Variants in RBM19 observed in about 807,000 individuals in gnomAD.
RBM19 encodes the protein RNA binding motif protein 19, also known as probable RNA-binding protein 19.
Under a neutral mutation model 116.8 loss-of-function variants are expected in RBM19, and 94 were observed. The observed-to-expected ratio is 0.80, with a 90% CI of 0.68 to 0.95. The LOEUF (loss-of-function observed/expected upper bound fraction) is 0.95. Ranked by LOEUF, RBM19 falls within the 40% of genes least tolerant of loss-of-function variation. The pLI, the probability that RBM19 is intolerant of heterozygous loss-of-function variation, is 0.00. For synonymous variants in RBM19, 475 were observed against 494.1 expected (o/e 0.96, Z 0.51); for missense variants, 1,161 against 1,220.7 (o/e 0.95, Z 0.73).
chr12:113,955,981 G>A (rs1384304357), intron 6 of RBM19, among the ~76,000 whole-genome samples: 4 of 152,132 alleles, frequency 2.6e-5, no homozygotes, highest in South Asian at 4.1e-4. Context: ...ACTTAGGCAC[G>A]GGGTCAGAAA....
chr12:113,951,589 A>C (rs1289397413), intron 8 of RBM19, among the ~76,000 whole-genome samples: 1 of 148,790 alleles, frequency 6.7e-6, no homozygotes, highest in East Asian at 2.0e-4. Context: ...TCCCTTGTCC[A>C]AGGTCATAGG....
At chr12:113,840,492 C>T (rs944014170) in intron 23 of RBM19, among the ~76,000 whole-genome samples, 3 of 152,242 alleles carry the variant, frequency 2.0e-5, no homozygotes, top group African/African-American at 7.2e-5. Context: ...GGTTACCATA[C>T]ACACTGGACA....
intron 21 of RBM19, among the ~76,000 whole-genome samples, chr12:113,872,236 G>T (rs1300011079): frequency 2.0e-5 from 3 of 146,456 alleles, no homozygotes; most frequent in Non-Finnish European, 4.6e-5. Flanking sequence ...GGGAGGTGAG[G>T]AGCGTCTCTG....
intron 16 of RBM19, chr12:113,936,740 C>T (rs1355104859): frequency 3.0e-6 from 1 of 329,484 alleles, no homozygotes; most frequent in Non-Finnish European, 5.5e-6. Flanking sequence ...TTTATACTTG[C>T]TCTGCTTTGA....
intron 21 of RBM19, among the ~76,000 whole-genome samples, chr12:113,905,299 TCA>T (rs1034111657): frequency 3.4e-4 from 52 of 152,208 alleles, no homozygotes; most frequent in African/African-American, 1.2e-3. Flanking sequence ...AAGCAGACCC[TCA>T]CACACAGTCA....
intron 2 of RBM19, 119 bp from the exon 3 acceptor site, chr12:113,960,297 T>C (rs1872381691): frequency 1.5e-6 from 2 of 1,358,718 alleles, no homozygotes; most frequent in African/African-American, 1.5e-5. Flanking sequence ...CTGAGTTTGC[T>C]GAAGTAGATT....
intron 21 of RBM19, among the ~76,000 whole-genome samples, chr12:113,913,059 T>C (rs982521359): frequency 6.6e-6 from 1 of 152,162 alleles, no homozygotes; most frequent in Non-Finnish European, 1.5e-5. Context: ...TGGACACTAA[T>C]TCCCTGTCTT....
At chr12:113,844,968 T>G (rs763671487) in intron 22 of RBM19, among the ~76,000 whole-genome samples, 180 bp from the exon 23 acceptor site, 2 of 152,194 alleles carry the variant, frequency 1.3e-5, no homozygotes, top group Non-Finnish European at 2.9e-5. Context: ...ATTAGTGGGT[T>G]GCATTCCCAG....
intron 16 of RBM19, among the ~76,000 whole-genome samples, chr12:113,927,605 C>CA (rs1270842296): frequency 0.1 from 9,447 of 91,056 alleles, 972 homozygotes; most frequent in African/African-American, 0.29. Context: ...AAAAAAAAAA[C>CA]AAAAAAAAAA....
chr12:113,900,029 G>A (rs960879219), intron 21 of RBM19, among the ~76,000 whole-genome samples: 4 of 152,088 alleles, frequency 2.6e-5, no homozygotes, highest in African/African-American at 9.7e-5. Flanking sequence ...CCCTTCCCCC[G>A]GTACAGGCAC....
At chr12:113,917,111 C>G (rs140497045) in intron 20 of RBM19, among the ~76,000 whole-genome samples, 2 of 152,220 alleles carry the variant, frequency 1.3e-5, no homozygotes, top group African/African-American at 4.8e-5. Flanking sequence ...CAAGGAAACA[C>G]TATCCCCCAT....
At chr12:113,861,738 T>C (rs541510399) in intron 21 of RBM19, among the ~76,000 whole-genome samples, 3 of 152,118 alleles carry the variant, frequency 2.0e-5, no homozygotes, top group Admixed American at 2.0e-4. Context: ...ACAGAAGACA[T>C]GCTTTTGTGG....
At chr12:113,894,976 C>G (rs986499463) in intron 21 of RBM19, among the ~76,000 whole-genome samples, 1 of 152,196 alleles carries the variant, frequency 6.6e-6, no homozygotes. Context: ...CAAGGCCCAT[C>G]GCAGGGGACG....
rs772438705 is a variant in RBM19, at chr12:113,952,522, C to T, written c.990G>A (p.Gly330=). The T allele has an allele frequency of 1.9e-6, 3 of 1,613,336 alleles. No homozygotes were observed. The highest frequency in any genetic ancestry group is 1.6e-4 in the Middle Eastern group (1 of 6,084). The change falls in exon 8 of 24, where the codon GGG becomes GGA. Residue 330 remains glycine (G), a synonymous_variant. Coordinates refer to ENST00000261741, the MANE Select transcript of RBM19 (RefSeq NM_016196.4). ...VAIRIVRNAH[G]NKTGYIFVDF... is the part of the protein sequence containing the mutation. ...CATCCTGGATCTTACCTGTTTTATT[C>T]CCATGAGCGTTTCTCACAATTCGAA...
At chr12:113,868,343 C>A (rs947761448) in intron 21 of RBM19, among the ~76,000 whole-genome samples, 5 of 152,202 alleles carry the variant, frequency 3.3e-5, no homozygotes, top group Admixed American at 2.0e-4. Context: ...GGAACCCTGT[C>A]TGCTGAACCT....
intron 16 of RBM19, 165 bp from the exon 17 acceptor site, chr12:113,927,394 G>GA: frequency 2.7e-6 from 2 of 742,908 alleles, no homozygotes; most frequent in Non-Finnish European, 2.1e-6. Flanking sequence ...AACTTGTGCT[G>GA]AGCTTCAGCA....
chr12:113,818,790 C>A (rs905264208), downstream of RBM19, among the ~76,000 whole-genome samples: 3 of 152,204 alleles, frequency 2.0e-5, no homozygotes, highest in African/African-American at 7.2e-5. Context: ...TCTCCTCCTC[C>A]CGTCCCCACT....
intron 21 of RBM19, among the ~76,000 whole-genome samples, chr12:113,890,479 C>T (rs778131475): frequency 9.2e-5 from 14 of 152,312 alleles, no homozygotes; most frequent in South Asian, 8.3e-4. Flanking sequence ...CTCTCACAAC[C>T]GGCAGCTCGA....
At chr12:113,827,767 T>A (rs1411452682) in intron 23 of RBM19, among the ~76,000 whole-genome samples, 1 of 151,948 alleles carries the variant, frequency 6.6e-6, no homozygotes, top group Non-Finnish European at 1.5e-5. Context: ...GGGTGCTAGA[T>A]GCAGGGTGCT....
Sources: allele counts gnomAD v4.1 joint callset (sites outside exome capture counted in the v4.1 genomes callset), GRCh38; gene constraint gnomAD v4.1.1; transcripts MANE v1.5; gene names NCBI Gene and HGNC (gene_info 2026-07-23, HGNC 2026-07-21).